Variants in NALF1 observed in about 807,000 individuals in gnomAD.
NALF1 encodes the protein family with sequence similarity 155 member A.
In NALF1, 3 loss-of-function variants were observed where a neutral mutation model predicts 48.4. That is an observed-to-expected ratio of 0.06 (90% CI 0.03 to 0.16). The LOEUF is 0.16. NALF1 is among the 10% of genes least tolerant of loss of function. The probability of loss-of-function intolerance (pLI) is 1.00; values close to 1 mark genes in which losing one functional copy is unlikely to be tolerated. For synonymous variants in NALF1, 262 were observed against 245.7 expected (o/e 1.07, Z -0.62); for missense variants, 526 against 571.5 (o/e 0.92, Z 0.81).
At chr13:107,646,792 T>G (rs1195976661) in intron 1 of NALF1, among the ~76,000 whole-genome samples, 1 of 152,144 alleles carries the variant, frequency 6.6e-6, no homozygotes, top group Non-Finnish European at 1.5e-5. Context: ...CAGTAAAATT[T>G]ATGAGGTTAA....
chr13:107,593,018 C>A (rs941801739), intron 1 of NALF1, among the ~76,000 whole-genome samples: 1 of 151,790 alleles, frequency 6.6e-6, no homozygotes, highest in African/African-American at 2.4e-5. Flanking sequence ...CGCTGTTGAT[C>A]TCTTTAGCAA....
intron 1 of NALF1, among the ~76,000 whole-genome samples, chr13:107,776,623 A>C (rs1183734745): frequency 6.6e-6 from 1 of 152,226 alleles, no homozygotes; most frequent in African/African-American, 2.4e-5. Flanking sequence ...GTGTGCTAGA[A>C]ATCATGATAG....
chr13:107,742,459 G>C (rs989826405), intron 1 of NALF1, among the ~76,000 whole-genome samples: 1 of 152,150 alleles, frequency 6.6e-6, no homozygotes, highest in African/African-American at 2.4e-5. Flanking sequence ...TAGTAATCCT[G>C]AGTGAGTTCT....
At chr13:107,751,100 T>C (rs1484179124) in intron 1 of NALF1, among the ~76,000 whole-genome samples, 1 of 152,224 alleles carries the variant, frequency 6.6e-6, no homozygotes, top group East Asian at 1.9e-4. Context: ...TTTCCTCCAG[T>C]GCAAACTAAG....
chr13:107,658,621 AATT>A (rs1330500860), intron 1 of NALF1, among the ~76,000 whole-genome samples: 2 of 151,842 alleles, frequency 1.3e-5, no homozygotes, highest in East Asian at 3.9e-4. Flanking sequence ...CATCACTTTA[AATT>A]ATTATATTTC....
chr13:107,801,916 T>C (rs1387332585), intron 1 of NALF1, among the ~76,000 whole-genome samples: 1 of 152,148 alleles, frequency 6.6e-6, no homozygotes, highest in East Asian at 1.9e-4. Flanking sequence ...TTTCACACAT[T>C]TCACGGTCTA....
intron 1 of NALF1, among the ~76,000 whole-genome samples, chr13:107,708,134 C>T (rs1176185975): frequency 2.0e-5 from 3 of 152,098 alleles, no homozygotes; most frequent in Non-Finnish European, 4.4e-5. Flanking sequence ...CTTTGAAAAT[C>T]ATGATAAAAT....
chr13:107,774,083 A>G (rs1877657001), intron 1 of NALF1, among the ~76,000 whole-genome samples: 1 of 152,140 alleles, frequency 6.6e-6, no homozygotes, highest in South Asian at 2.1e-4. Context: ...ATTGAGCTAG[A>G]AATTGTACTT....
chr13:107,771,015 C>T (rs1307100022), intron 1 of NALF1, among the ~76,000 whole-genome samples: 1 of 152,102 alleles, frequency 6.6e-6, no homozygotes, highest in African/African-American at 2.4e-5. Flanking sequence ...ATAAAATCAC[C>T]TGACATGTTT....
intron 1 of NALF1, among the ~76,000 whole-genome samples, chr13:107,671,738 A>C (rs1409140457): frequency 1.3e-5 from 2 of 152,166 alleles, no homozygotes; most frequent in Non-Finnish European, 2.9e-5. Context: ...AAAATAAAAC[A>C]ACCAATGACA....
chr13:107,702,915 A>G (rs1881859032), intron 1 of NALF1, among the ~76,000 whole-genome samples: 1 of 152,164 alleles, frequency 6.6e-6, no homozygotes, highest in Admixed American at 6.5e-5. Context: ...CATGGTGTAT[A>G]TGTACCACCT....
At chr13:107,641,367 T>A (rs1880150627) in intron 1 of NALF1, among the ~76,000 whole-genome samples, 1 of 152,172 alleles carries the variant, frequency 6.6e-6, no homozygotes, top group Admixed American at 6.5e-5. Flanking sequence ...CAGTTTGCAA[T>A]AATTTGTTGC....
At chr13:107,782,679 G>A (rs927730334) in intron 1 of NALF1, among the ~76,000 whole-genome samples, 3 of 151,468 alleles carry the variant, frequency 2.0e-5, no homozygotes, top group Non-Finnish European at 4.4e-5. Context: ...CATCGTCTGA[G>A]ATGTGGGGAG....
intron 2 of NALF1, among the ~76,000 whole-genome samples, chr13:107,172,889 GA>G (rs902420284): frequency 2.0e-5 from 3 of 150,430 alleles, no homozygotes; most frequent in African/African-American, 4.9e-5. Flanking sequence ...AGTCATCGCA[GA>G]AAAAAAAATG....
intron 1 of NALF1, among the ~76,000 whole-genome samples, chr13:107,824,445 T>C (rs1879453107): frequency 6.6e-6 from 1 of 152,176 alleles, no homozygotes; most frequent in Non-Finnish European, 1.5e-5. Flanking sequence ...GCATTTTGGA[T>C]GATGCGTGGT....
At chr13:107,271,772 G>T in intron 1 of NALF1, among the ~76,000 whole-genome samples, 1 of 89,950 alleles carries the variant, frequency 1.1e-5, no homozygotes, top group African/African-American at 5.3e-5. Flanking sequence ...TTTGCTACTG[G>T]ACTATATATA....
intron 1 of NALF1, among the ~76,000 whole-genome samples, chr13:107,815,509 A>C (rs1210735238): frequency 6.6e-6 from 1 of 152,200 alleles, no homozygotes; most frequent in Non-Finnish European, 1.5e-5. Context: ...GACAGATAAT[A>C]ACAAGTATCA....
intron 1 of NALF1, among the ~76,000 whole-genome samples, chr13:107,770,570 T>G (rs1319215065): frequency 6.6e-6 from 1 of 152,226 alleles, no homozygotes; most frequent in Non-Finnish European, 1.5e-5. Context: ...TCAAGTACCA[T>G]GGTTTCACAA....
At chr13:107,234,348 A>G (rs998357182) in intron 1 of NALF1, among the ~76,000 whole-genome samples, 1 of 152,224 alleles carries the variant, frequency 6.6e-6, no homozygotes. Flanking sequence ...TTCCCCAGGC[A>G]CAAGACAACA....
Sources: gnomAD v4.1 joint callset for allele counts (sites outside exome capture counted in the v4.1 genomes callset) on GRCh38, gnomAD v4.1.1 for gene constraint, MANE v1.5 for transcripts, NCBI Gene and HGNC (gene_info 2026-07-23, HGNC 2026-07-21) for gene names.